The following CRMP1 variants were observed in gnomAD, a reference collection of about 807,000 sequenced individuals.
CRMP1 encodes dihydropyrimidinase-related protein 1.
Under a neutral mutation model 68.3 loss-of-function variants are expected in CRMP1, and 19 were observed. The observed-to-expected ratio is 0.28, with a 90% CI of 0.19 to 0.41. The LOEUF (loss-of-function observed/expected upper bound fraction) is 0.41. Ranked by LOEUF, CRMP1 falls within the 10% of genes least tolerant of loss-of-function variation. The pLI, the probability that CRMP1 is intolerant of heterozygous loss-of-function variation, is 1.00. For synonymous variants in CRMP1, 439 were observed against 399.6 expected (o/e 1.10, Z -1.18); for missense variants, 791 against 967.4 (o/e 0.82, Z 2.42).
chr4:5,868,275 A>ATATCTATC (rs1379647406), intron 1 of CRMP1, among the ~76,000 whole-genome samples: 1 of 77,662 alleles, frequency 1.3e-5, no homozygotes, highest in Non-Finnish European at 2.5e-5. Flanking sequence ...ATATATATAT[A>ATATCTATC]TATATATATA....
intron 9 of CRMP1, among the ~76,000 whole-genome samples, chr4:5,837,634 A>G (rs1720805613): frequency 7.6e-6 from 1 of 131,564 alleles, no homozygotes; most frequent in African/African-American, 3.4e-5. Context: ...GTCTCAAAAA[A>G]TAAAATAAAA....
chr4:5,827,726 TGC>T lies in CRMP1; in HGVS notation c.1803+761_1803+762del, dbSNP rs1426495999. Among the ~76,000 whole-genome samples the T allele has an allele frequency of 1.1e-4, 14 of 123,708 alleles. No individual in the cohort carries two copies. In the South Asian group the frequency reaches 2.4e-3, roughly 21 times the overall value. The allele number at this position is 123,708 out of a possible 152,430, so 81.2% of individuals were successfully genotyped here. On this transcript the variant is annotated intron_variant, in intron 12 of 13. Transcript: ENST00000324989. ...TGACACGCATAGACATACACACATGTGCGCGTGCACACACACACACACACACA... is the reference window on the plus strand; with the variant it reads ...TGACACGCATAGACATACACACATGTGCGTGCACACACACACACACACACA...
intron 12 of CRMP1, 52 bp downstream of exon 12, chr4:5,828,437 G>A (rs962738056): frequency 3.8e-6 from 6 of 1,587,752 alleles, no homozygotes; most frequent in Non-Finnish European, 5.2e-6. Context: ...CCCAAGAGAC[G>A]CTGTCGGCTC....
At chr4:5,886,005 G>A (rs1012580387) in intron 1 of CRMP1, among the ~76,000 whole-genome samples, 2 of 152,216 alleles carry the variant, frequency 1.3e-5, no homozygotes, top group African/African-American at 4.8e-5. Flanking sequence ...ACACGTGTAT[G>A]TGTGTTATTA....
In CRMP1 at chr4:5,850,977, C is replaced by A. The variant is rs1314742270; in HGVS notation, c.882+431G>T. Among the ~76,000 whole-genome samples, 1 of 152,214 alleles carries A rather than the reference C, an allele frequency of 6.6e-6. No individual in the cohort carries two copies. Among genetic ancestry groups the A allele is most frequent in the Non-Finnish European group, 1.5e-5 (1 of 68,030 alleles). On this transcript the variant is annotated intron_variant, in intron 5 of 13. Coordinates refer to ENST00000324989, the MANE Select transcript of CRMP1 (RefSeq NM_001014809.3). This position sits in a 1 kb window ranked among gnomAD's most constrained non-coding sequence, Gnocchi z 4.4. ...TGACTTGCCCAGCATGTTGCAGTTG[C>A]TGTGAGGGAAGGCCAGGCAGTCTCT...
At chr4:5,868,290 T>TATATATATCTATATATAG (rs1714174378) in intron 1 of CRMP1, among the ~76,000 whole-genome samples, 8 of 131,316 alleles carry the variant, frequency 6.1e-5, no homozygotes, top group African/African-American at 2.3e-4. Flanking sequence ...TATATATATA[T>TATATATATCTATATATAG]ATATATATAT....
At chr4:5,862,720 G>A (rs1045073522) in intron 2 of CRMP1, among the ~76,000 whole-genome samples, 6 of 152,322 alleles carry the variant, frequency 3.9e-5, no homozygotes, top group East Asian at 1.9e-4. Context: ...GGACCTACAC[G>A]TGAGTGTCAG....
intron 11 of CRMP1, among the ~76,000 whole-genome samples, chr4:5,829,968 C>T (rs561751416): frequency 1.3e-5 from 2 of 152,140 alleles, no homozygotes; most frequent in Non-Finnish European, 2.9e-5. Flanking sequence ...GTTTCCATTC[C>T]CAACAAAACT....
rs1715841889 is a variant in CRMP1, at chr4:5,889,512, C to T, written c.381+3077G>A. 2 of 1,498,828 alleles carry T rather than the reference C, an allele frequency of 1.3e-6. No homozygotes were observed. Among genetic ancestry groups the T allele is most frequent in the Admixed American group, 2.0e-5 (1 of 50,746 alleles). 92.8% of individuals were successfully genotyped at this position (1,498,828 alleles called of 1,614,324 possible). Reference sequence around the variant, plus strand: ...AGCCAGGTCACAGCTTGACAAGGTCCGTAACAGCAGAGGGGAAAAGATGAA... The same window carrying T: ...AGCCAGGTCACAGCTTGACAAGGTCTGTAACAGCAGAGGGGAAAAGATGAA... On this transcript the variant is annotated intron_variant, in intron 1 of 13. Coordinates refer to ENST00000324989, the MANE Select transcript of CRMP1 (RefSeq NM_001014809.3). The surrounding 1 kb of genome is among the most constrained non-coding windows in gnomAD (Gnocchi z 4.5).
intron 1 of CRMP1, among the ~76,000 whole-genome samples, chr4:5,871,387 G>A (rs1714433551): frequency 1.3e-5 from 2 of 152,282 alleles, no homozygotes; most frequent in South Asian, 4.2e-4. Context: ...AAGGCTGGGT[G>A]CGGTGGCTCA....
In CRMP1 at chr4:5,841,276, T is replaced by G; in HGVS notation, c.1153+32A>C. On this transcript the variant is annotated intron_variant, in intron 8 of 13. Coordinates refer to ENST00000324989, the MANE Select transcript of CRMP1 (RefSeq NM_001014809.3). The surrounding 1 kb of genome is among the most constrained non-coding windows in gnomAD (Gnocchi z 6.9). ...AGGACACCCCCTTCCAGGCCCCAGC[T>G]GCCCCCAGAAGGCCCAGGGCCGGCT... 6.2e-7 allele frequency: 1 copy of G among 1,613,720 alleles called. No homozygotes were observed. Among genetic ancestry groups the G allele is most frequent in the Non-Finnish European group, 8.5e-7 (1 of 1,179,950 alleles).
At chr4:5,839,199 C>T (rs891100770) in intron 9 of CRMP1, among the ~76,000 whole-genome samples, 4 of 152,220 alleles carry the variant, frequency 2.6e-5, no homozygotes, top group African/African-American at 7.2e-5. Context: ...GTGCCAGGTC[C>T]GGGGTGACAC....
At chr4:5,844,363 GGGAGGGAAGGGGAAT>G (rs1444590817) in intron 6 of CRMP1, among the ~76,000 whole-genome samples, 1 of 150,970 alleles carries the variant, frequency 6.6e-6, no homozygotes, top group East Asian at 1.9e-4. Context: ...GGGAGGGCAG[GGGAGGGAAGGGGAAT>G]GGAGGGAAGG....
intron 3 of CRMP1, 92 bp from the exon 4 acceptor site, chr4:5,856,399 T>TACCATCATCACCATCATCATCATC (rs1713061826): frequency 9.3e-7 from 1 of 1,076,942 alleles, no homozygotes; most frequent in Non-Finnish European, 1.4e-6. Context: ...TCACCATCAT[T>TACCATCATCACCATCATCATCATC]ACCATCACCA....
At chr4:5,851,098 A>G (rs1343428568) in intron 5 of CRMP1, among the ~76,000 whole-genome samples, 1 of 152,164 alleles carries the variant, frequency 6.6e-6, no homozygotes, top group Non-Finnish European at 1.5e-5. Context: ...TGAGTCCAAC[A>G]CCCAACATCT....
In CRMP1 at chr4:5,889,896, C is replaced by G. The variant is rs976494639; in HGVS notation, c.381+2693G>C. Reference sequence around the variant, plus strand: ...TTCACAGAGAAGCCAGCTCAGTATCCCAGGAACACTAGGCATAATTTTCCC... The same window carrying G: ...TTCACAGAGAAGCCAGCTCAGTATCGCAGGAACACTAGGCATAATTTTCCC... On this transcript the variant is annotated intron_variant, in intron 1 of 13. Transcript: ENST00000324989. This position sits in a 1 kb window ranked among gnomAD's most constrained non-coding sequence, Gnocchi z 4.5. The G allele has an allele frequency of 7.1e-7, 1 of 1,410,260 alleles. No individual in the cohort carries two copies. The highest frequency in any genetic ancestry group is 1.4e-5 in the African/African-American group (1 of 69,234). The allele number at this position is 1,410,260 out of a possible 1,614,324, so 87.4% of individuals were successfully genotyped here.
intron 6 of CRMP1, among the ~76,000 whole-genome samples, chr4:5,845,154 T>A (rs1712095522): frequency 6.6e-6 from 1 of 152,224 alleles, no homozygotes; most frequent in Non-Finnish European, 1.5e-5. Context: ...AGCTAAGATT[T>A]GTGTGGCAGC....
At chr4:5,882,239 T>C (rs187308881) in intron 1 of CRMP1, among the ~76,000 whole-genome samples, 1 of 152,302 alleles carries the variant, frequency 6.6e-6, no homozygotes, top group Admixed American at 6.5e-5. Context: ...TACATTTGAG[T>C]AGAAGTTCTT....
chr4:5,871,042 C>G (rs1369232417), intron 1 of CRMP1, among the ~76,000 whole-genome samples: 1 of 152,074 alleles, frequency 6.6e-6, no homozygotes, highest in Non-Finnish European at 1.5e-5. Context: ...AGAAGATTGG[C>G]CCAACCTGCT....
Sources: allele counts gnomAD v4.1 joint callset (sites outside exome capture counted in the v4.1 genomes callset), GRCh38; gene constraint gnomAD v4.1.1; non-coding constraint Gnocchi (gnomAD v3.1); transcripts MANE v1.5; gene names NCBI Gene and HGNC (gene_info 2026-07-23, HGNC 2026-07-21).